PDE4B: variants seen among roughly 807,000 people sequenced by gnomAD.
PDE4B encodes phosphodiesterase 4B.
PDE4B carries 20 observed loss-of-function variants against 82.2 expected under a neutral mutation model. The observed-to-expected ratio is 0.24, with a 90% CI of 0.17 to 0.35. The LOEUF is 0.35. Ranked by LOEUF, PDE4B falls within the 10% of genes least tolerant of loss-of-function variation. The pLI, the probability that PDE4B is intolerant of heterozygous loss-of-function variation, is 1.00. For missense variants in PDE4B, 655 were observed against 907.2 expected (o/e 0.72, Z 3.57); for synonymous variants, 320 against 318.9 (o/e 1.00, Z -0.04).
At chr1:66,205,616 A>G (rs1263934203) in intron 3 of PDE4B, among the ~76,000 whole-genome samples, 6 of 152,238 alleles carry the variant, frequency 3.9e-5, no homozygotes, top group Admixed American at 3.9e-4. Flanking sequence ...CTCTCACAAT[A>G]GAATAATATA....
intron 3 of PDE4B, among the ~76,000 whole-genome samples, chr1:66,164,299 G>T (rs1646675384): frequency 6.6e-6 from 1 of 152,050 alleles, no homozygotes; most frequent in Non-Finnish European, 1.5e-5. Flanking sequence ...TGCTTTGGGA[G>T]GCCAAGGTGG....
At chr1:66,237,221 T>C (rs967237264) in intron 3 of PDE4B, among the ~76,000 whole-genome samples, 2 of 152,206 alleles carry the variant, frequency 1.3e-5, no homozygotes, top group African/African-American at 4.8e-5. Context: ...GCAGGTGCAG[T>C]GTTCAAGACT....
chr1:65,982,553 T>A (rs984465549), intron 3 of PDE4B, among the ~76,000 whole-genome samples: 17 of 152,098 alleles, frequency 1.1e-4, no homozygotes, highest in Admixed American at 1.1e-3. Context: ...CAATCAACCA[T>A]CTCAGCAAAA....
At chr1:65,810,456 C>T (rs1385033629) in intron 1 of PDE4B, among the ~76,000 whole-genome samples, 7 of 152,086 alleles carry the variant, frequency 4.6e-5, no homozygotes, top group Non-Finnish European at 8.8e-5. Context: ...GTTTATATAG[C>T]GAGGGCTGAC....
At chr1:66,091,087 T>C (rs1489731112) in intron 3 of PDE4B, among the ~76,000 whole-genome samples, 1 of 152,028 alleles carries the variant, frequency 6.6e-6, no homozygotes. Context: ...TCCACCTATG[T>C]GATGGCCTTT....
At chr1:66,117,525 T>G (rs987781168) in intron 3 of PDE4B, among the ~76,000 whole-genome samples, 3 of 152,172 alleles carry the variant, frequency 2.0e-5, no homozygotes, top group Non-Finnish European at 4.4e-5. Flanking sequence ...AGAGATGTGG[T>G]AGAAACAGAC....
intron 3 of PDE4B, among the ~76,000 whole-genome samples, chr1:66,208,812 G>C (rs1336239380): frequency 1.3e-5 from 2 of 152,076 alleles, no homozygotes; most frequent in Non-Finnish European, 2.9e-5. Context: ...ATATAATACT[G>C]TGCTAAATGC....
chr1:66,031,283 A>T (rs988229991), intron 3 of PDE4B, among the ~76,000 whole-genome samples: 3 of 152,200 alleles, frequency 2.0e-5, no homozygotes, highest in Admixed American at 1.3e-4. Context: ...AAACCCAATT[A>T]ATATTCTTTC....
chr1:65,997,195 T>G (rs1244400966), intron 3 of PDE4B, among the ~76,000 whole-genome samples: 1 of 123,074 alleles, frequency 8.1e-6, no homozygotes, highest in South Asian at 2.7e-4. Context: ...TTTTTGGAGC[T>G]CTCTTCTTGT....
In PDE4B at chr1:66,258,500, G is replaced by A. The variant is rs17128680; in HGVS notation, c.584+637G>A. Among the ~76,000 whole-genome samples, 1,481 of 152,140 alleles carry A rather than the reference G, an allele frequency of 9.7e-3. 51 individuals are homozygous for A. In the East Asian group the frequency reaches 0.12, roughly 12 times the overall value. Reference sequence around the variant, plus strand: ...TATGAGCTTAAGCTAAGTTCTATTCGGTTCACTCTTCTGCATGTTTTAAAA... The same window carrying A: ...TATGAGCTTAAGCTAAGTTCTATTCAGTTCACTCTTCTGCATGTTTTAAAA... On this transcript the variant is annotated intron_variant, in intron 6 of 16. Transcript: ENST00000341517.
intron 7 of PDE4B, among the ~76,000 whole-genome samples, chr1:66,270,280 T>C (rs1333539027): frequency 6.6e-6 from 1 of 152,182 alleles, no homozygotes; most frequent in Non-Finnish European, 1.5e-5. Context: ...TGGGGAGGAA[T>C]TGGCTTTTTA....
At chr1:65,977,558 C>T (rs1016376156) in intron 3 of PDE4B, among the ~76,000 whole-genome samples, 1 of 152,192 alleles carries the variant, frequency 6.6e-6, no homozygotes, top group Non-Finnish European at 1.5e-5. Flanking sequence ...AATGTACATT[C>T]ACTGTACTTT....
chr1:66,121,917 T>G (rs1645717072), intron 3 of PDE4B, among the ~76,000 whole-genome samples: 1 of 152,156 alleles, frequency 6.6e-6, no homozygotes, highest in Non-Finnish European at 1.5e-5. Flanking sequence ...TTTCACCCTC[T>G]CAACTTTCTC....
At chr1:66,237,101 G>A (rs1367669472) in intron 3 of PDE4B, among the ~76,000 whole-genome samples, 3 of 152,138 alleles carry the variant, frequency 2.0e-5, no homozygotes, top group African/African-American at 7.2e-5. Context: ...AGTACAAGTG[G>A]AAAGATTCTG....
intron 3 of PDE4B, among the ~76,000 whole-genome samples, chr1:66,082,333 T>C (rs1341436027): frequency 6.6e-6 from 1 of 152,140 alleles, no homozygotes; most frequent in Non-Finnish European, 1.5e-5. Context: ...CCTAAGTGAA[T>C]ACCTACCTGT....
rs114345576 is a variant in PDE4B at position 66,026,495 on chromosome 1, A to T, written c.281+107660A>T. On this transcript the variant is annotated intron_variant, in intron 3 of 16. Coordinates refer to ENST00000341517, the MANE Select transcript of PDE4B (RefSeq NM_002600.4). ...ATGTCCCTGTTCTGCTACCTATGGTAACAGGACAGAAGCATTTAATCTCTA... is the reference window on the plus strand; with the variant it reads ...ATGTCCCTGTTCTGCTACCTATGGTTACAGGACAGAAGCATTTAATCTCTA... 8.8e-3 allele frequency among the ~76,000 whole-genome samples: 1,335 copies of T among 152,316 alleles called. 14 individuals are homozygous for T. Among genetic ancestry groups the T allele is most frequent in the African/African-American group, 0.031 (1,279 of 41,550 alleles).
At chr1:66,320,689 T>TA (rs1034160292) in intron 7 of PDE4B, among the ~76,000 whole-genome samples, 2 of 152,052 alleles carry the variant, frequency 1.3e-5, no homozygotes, top group East Asian at 1.9e-4. Flanking sequence ...CACAAAAAAC[T>TA]AAAAAAATAG....
At chr1:66,057,736 C>T (rs1017253210) in intron 3 of PDE4B, among the ~76,000 whole-genome samples, 1 of 152,160 alleles carries the variant, frequency 6.6e-6, no homozygotes, top group African/African-American at 2.4e-5. Context: ...ACCAGAACAG[C>T]AAGGGAGAGA....
chr1:66,256,283 A>G (rs920400660), intron 4 of PDE4B, among the ~76,000 whole-genome samples: 1 of 152,214 alleles, frequency 6.6e-6, no homozygotes, highest in East Asian at 1.9e-4. Flanking sequence ...AATCAGTCTC[A>G]GTTCTTCTAC....
Sources: allele counts gnomAD v4.1 joint callset (sites outside exome capture counted in the v4.1 genomes callset), GRCh38; gene constraint gnomAD v4.1.1; transcripts MANE v1.5; gene names NCBI Gene and HGNC (gene_info 2026-07-23, HGNC 2026-07-21).